The following BPNT2 variants were observed in gnomAD, a reference collection of about 807,000 sequenced individuals.
BPNT2 encodes the protein Golgi-resident adenosine 3',5'-bisphosphate 3'-phosphatase.
BPNT2 carries 11 observed loss-of-function variants against 29.3 expected under a neutral mutation model. That is an observed-to-expected ratio of 0.38 (90% CI 0.24 to 0.62). BPNT2 has a LOEUF of 0.62. Among genes scored for constraint, BPNT2 ranks in the 20% least tolerant of loss-of-function variants. BPNT2 has a pLI of 0.62. For missense variants in BPNT2, 459 were observed against 473.4 expected (o/e 0.97, Z 0.28); for synonymous variants, 195 against 187.7 (o/e 1.04, Z -0.32).
chr8:56,993,424 G>A lies in BPNT2; in HGVS notation c.162C>T (p.Ala54=). Reference sequence around the variant, plus strand: ...AGTCCACGGTGCCCCCATCGGCCGCGGCCGCGGGCCCCGCCGCGCCGCCGC... The same window carrying A: ...AGTCCACGGTGCCCCCATCGGCCGCAGCCGCGGGCCCCGCCGCGCCGCCGC... The part of the protein sequence containing the change: ...EPGGGAAGPA[A]AADGGTVDLR... Residue 54 remains alanine (A), a synonymous_variant, in exon 1 of 5, where the codon GCC becomes GCT. Transcript: ENST00000262644. 1 of 1,509,604 alleles carries A rather than the reference G, an allele frequency of 6.6e-7. No individual in the cohort carries two copies. Among genetic ancestry groups the A allele is most frequent in the Admixed American group, 2.4e-5 (1 of 41,930 alleles). 93.5% of individuals were successfully genotyped at this position (1,509,604 alleles called of 1,614,324 possible).
chr8:56,988,144 CAATT>C (rs1194525726), intron 1 of BPNT2, among the ~76,000 whole-genome samples: 1 of 152,150 alleles, frequency 6.6e-6, no homozygotes, highest in Admixed American at 6.5e-5. Flanking sequence ...GCTCTATAAA[CAATT>C]AAACATGCTG....
Position 56,978,128 on chromosome 8 carries a change from C to T in BPNT2, c.568G>A (p.Val190Ile), listed in dbSNP as rs376319160. The change falls in exon 3 of 5, where the codon GTC becomes ATC. Residue 190 changes from valine (V) to isoleucine (I), a missense_variant. Val to Ile is a conservative substitution (Grantham distance 29). Transcript: ENST00000262644. The part of the protein sequence containing the change: ...QEYTEDLRKY[V>I]TTMVCVAVNG... ...ACAGCCACACACACCATAGTAGTGACGTACTTTCGAAGATCCTCTATGAGA... is the reference window on the plus strand; with the variant it reads ...ACAGCCACACACACCATAGTAGTGATGTACTTTCGAAGATCCTCTATGAGA... 36 of 1,608,992 alleles carry T rather than the reference C, an allele frequency of 2.2e-5. No homozygotes were observed. In the Middle Eastern group the frequency reaches 6.6e-4, roughly 29 times the overall value.
rs1585572019 is a variant in BPNT2, at chr8:56,993,647, C to T, written c.-62G>A. 1 of 1,209,734 alleles carries T rather than the reference C, an allele frequency of 8.3e-7. No individual in the cohort carries two copies. Among genetic ancestry groups the T allele is most frequent in the Non-Finnish European group, 1.0e-6 (1 of 974,974 alleles). The allele number at this position is 1,209,734 out of a possible 1,614,324, so 74.9% of individuals were successfully genotyped here. A position where few individuals can be genotyped will look rare whatever the true frequency, so the allele number is the denominator to read the frequency against. On this transcript the variant is annotated 5_prime_UTR_variant, in exon 1 of 5. Transcript: ENST00000262644. ...ACAGGCCTCCAGCGCCCGCCGCCGC[C>T]GCCGCCGCAGCCGCCGCGCTCCGGG...
intron 1 of BPNT2, among the ~76,000 whole-genome samples, chr8:56,987,696 C>T (rs577194844): frequency 7.2e-5 from 11 of 152,100 alleles, no homozygotes; most frequent in African/African-American, 2.7e-4. Flanking sequence ...TCTGGAGAAC[C>T]CTGACCAATA....
intron 1 of BPNT2, among the ~76,000 whole-genome samples, chr8:56,989,793 C>T (rs1471991939): frequency 6.6e-6 from 1 of 152,154 alleles, no homozygotes; most frequent in African/African-American, 2.4e-5. Flanking sequence ...GGAATATGAC[C>T]TAGCCCCTAC....
chr8:56,964,600 C>T (rs1805909211), intron 4 of BPNT2, among the ~76,000 whole-genome samples: 1 of 152,192 alleles, frequency 6.6e-6, no homozygotes, highest in African/African-American at 2.4e-5. Flanking sequence ...TGCACCCGGC[C>T]TGCAAAGTAA....
chr8:56,979,990 C>A, intron 2 of BPNT2, 45 bp downstream of exon 2: 1 of 1,588,076 alleles, frequency 6.3e-7, no homozygotes, highest in Non-Finnish European at 8.6e-7. Flanking sequence ...TGGTTCTCTA[C>A]TACTAAACGT....
chr8:56,988,323 T>A (rs1162513999), intron 1 of BPNT2, among the ~76,000 whole-genome samples: 3 of 152,174 alleles, frequency 2.0e-5, no homozygotes, highest in African/African-American at 4.8e-5. Context: ...TAATCATAGG[T>A]TGCCTGAGTT....
chr8:56,965,741 T>C (rs1805935121), intron 4 of BPNT2, among the ~76,000 whole-genome samples: 1 of 152,172 alleles, frequency 6.6e-6, no homozygotes, highest in South Asian at 2.1e-4. Context: ...ATCCCAGGTA[T>C]GCAGGTTAAA....
intron 4 of BPNT2, chr8:56,964,434 G>T (rs567706875): frequency 5.1e-6 from 1 of 195,584 alleles, no homozygotes; most frequent in South Asian, 8.2e-5. Flanking sequence ...GAGTAGCTGG[G>T]ATTACAGGTG....
intron 3 of BPNT2, among the ~76,000 whole-genome samples, chr8:56,974,081 C>T (rs577455514): frequency 6.6e-6 from 1 of 152,248 alleles, no homozygotes; most frequent in East Asian, 1.9e-4. Context: ...CTTATTCAAT[C>T]ATATATTTGC....
In BPNT2 at chr8:56,993,438, C is replaced by G. The variant is rs1806453939; in HGVS notation, c.148G>C (p.Ala50Pro). The G allele has an allele frequency of 7.4e-6, 11 of 1,479,850 alleles. No homozygotes were observed. Among genetic ancestry groups the G allele is most frequent in the African/African-American group, 1.5e-5 (1 of 68,012 alleles). 91.7% of individuals were successfully genotyped at this position (1,479,850 alleles called of 1,614,324 possible). ...GLGGEPGGGA[A>P]GPAAAADGGT... ...CCATCGGCCGCGGCCGCGGGCCCCG[C>G]CGCGCCGCCGCCAGGCTCGCCGCCC... is the stretch of plus-strand genomic sequence containing the variant. The change falls in exon 1 of 5, where the codon GCG becomes CCG. Residue 50 changes from alanine (A) to proline (P), a missense_variant. By Grantham distance (27) the Ala-to-Pro change is conservative. Transcript: ENST00000262644.
Position 56,961,491 on chromosome 8 carries a change from C to T in BPNT2, c.*2302G>A, listed in dbSNP as rs1381302880. 6.6e-6 allele frequency: 1 copy of T among 152,068 alleles called. No homozygotes were observed. The highest frequency in any genetic ancestry group is 1.5e-5 in the Non-Finnish European group (1 of 68,018). The allele number at this position is 152,068 out of a possible 1,614,324, so 9.4% of individuals were successfully genotyped here. A position where few individuals can be genotyped will look rare whatever the true frequency, so the allele number is the denominator to read the frequency against. On this transcript the variant is annotated 3_prime_UTR_variant, in exon 5 of 5. Transcript: ENST00000262644. The stretch of plus-strand genomic sequence containing the variant: ...CATATTATAAAAATAATGTATTTAA[C>T]TCTCAACCAATACCTTAAGTTTTGC...
At chr8:56,987,579 C>T (rs1806347056) in intron 1 of BPNT2, among the ~76,000 whole-genome samples, 1 of 152,144 alleles carries the variant, frequency 6.6e-6, no homozygotes, top group Non-Finnish European at 1.5e-5. Flanking sequence ...CACTTGCTTT[C>T]CTGGGTTTCC....
intron 1 of BPNT2, among the ~76,000 whole-genome samples, chr8:56,988,472 A>T (rs1806361177): frequency 1.3e-5 from 2 of 152,254 alleles, no homozygotes; most frequent in Admixed American, 6.5e-5. Flanking sequence ...ACTGAAAGAG[A>T]AAAGGTAAAA....
rs957625835 is a variant in BPNT2 at position 56,964,026 on chromosome 8, T to G, written c.847A>C (p.Ser283Arg). The G allele has an allele frequency of 6.2e-7, 1 of 1,605,768 alleles. No individual in the cohort carries two copies. Among genetic ancestry groups the G allele is most frequent in the Non-Finnish European group, 8.5e-7 (1 of 1,174,680 alleles). The part of the protein sequence containing the change: ...VLALLDVPDK[S>R]QEKADLYIHV... ...ATGTATAAATCAGCTTTTTCTTGAC[T>G]CTTATCAGGCACATCCAAAAGTGCT... Residue 283 changes from serine to arginine, a missense_variant, in exon 5 of 5, where the codon AGT becomes CGT. Transcript: ENST00000262644.
intron 1 of BPNT2, 138 bp downstream of exon 1, chr8:56,993,061 T>C (rs1806445057): frequency 6.6e-7 from 1 of 1,510,982 alleles, no homozygotes; most frequent in Non-Finnish European, 8.9e-7. Flanking sequence ...CTGTCTGACC[T>C]TGTGCACGTT....
intron 3 of BPNT2, among the ~76,000 whole-genome samples, chr8:56,977,408 C>T (rs1245520169): frequency 2.6e-5 from 4 of 152,142 alleles, no homozygotes; most frequent in Non-Finnish European, 5.9e-5. Flanking sequence ...ACCTTCACAT[C>T]ATCTTATCCC....
chr8:56,992,040 T>C (rs1299107348), intron 1 of BPNT2, among the ~76,000 whole-genome samples: 1 of 151,762 alleles, frequency 6.6e-6, no homozygotes, highest in Non-Finnish European at 1.5e-5. Flanking sequence ...TCCTTTCCAC[T>C]GGAAAAAGAA....
Sources: allele counts gnomAD v4.1 joint callset (sites outside exome capture counted in the v4.1 genomes callset), GRCh38; gene constraint gnomAD v4.1.1; transcripts MANE v1.5; gene names NCBI Gene and HGNC (gene_info 2026-07-23, HGNC 2026-07-21).